Variants in APOBEC2 observed in about 807,000 individuals in gnomAD.
The protein encoded by APOBEC2 is apolipoprotein B mRNA editing enzyme catalytic subunit 2.
APOBEC2 carries 14 observed loss-of-function variants against 19.4 expected under a neutral mutation model. The ratio of observed to expected loss-of-function variants is 0.72; its 90% confidence interval spans 0.48 to 1.13. The LOEUF (loss-of-function observed/expected upper bound fraction) is 1.13, where lower values mean the gene tolerates loss of function less well. APOBEC2 is among the 50% of genes most tolerant of loss of function. The pLI, the probability that APOBEC2 is intolerant of heterozygous loss-of-function variation, is 0.00. For synonymous variants in APOBEC2, 127 were observed against 112.1 expected (o/e 1.13, Z -0.84); for missense variants, 304 against 277.0 (o/e 1.10, Z -0.69).
At chr6:41,058,427 T>TCA (rs1046492735) in intron 1 of APOBEC2, among the ~76,000 whole-genome samples, 22 of 114,394 alleles carry the variant, frequency 1.9e-4, no homozygotes, top group African/African-American at 6.2e-4. Flanking sequence ...ACACACACAC[T>TCA]CACACACACA....
intron 1 of APOBEC2, 94 bp from the exon 2 acceptor site, chr6:41,061,234 G>C: frequency 2.5e-6 from 2 of 808,944 alleles, no homozygotes; most frequent in South Asian, 5.5e-5. Context: ...ATGCATTTCT[G>C]AAGTACTGAC....
rs75616059 is a variant in APOBEC2 at position 41,055,541 on chromosome 6, G to A, written c.131+2063G>A. Among the ~76,000 whole-genome samples, 588 of 152,280 alleles carry A rather than the reference G, an allele frequency of 3.9e-3. 11 individuals are homozygous for A. In the South Asian group the frequency reaches 0.061, roughly 16 times the overall value. On this transcript the variant is annotated intron_variant, in intron 1 of 2. Coordinates refer to ENST00000244669, the MANE Select transcript of APOBEC2 (RefSeq NM_006789.4). ...AGGACTCCCTCCTGGAGTCAAGGGGGTCAGCAAAGCAGCTTTTCTAGCCTG... is the reference window on the plus strand; with the variant it reads ...AGGACTCCCTCCTGGAGTCAAGGGGATCAGCAAAGCAGCTTTTCTAGCCTG...
chr6:41,063,799 C>CT (rs568383618), intron 2 of APOBEC2, among the ~76,000 whole-genome samples: 9,863 of 136,178 alleles, frequency 0.072, 803 homozygotes, highest in African/African-American at 0.21. Flanking sequence ...TTTCATCTTT[C>CT]TTTTTTTTTT....
chr6:41,058,762 T>C (rs531460357), intron 1 of APOBEC2, among the ~76,000 whole-genome samples: 2 of 152,330 alleles, frequency 1.3e-5, no homozygotes, highest in Admixed American at 6.5e-5. Context: ...TCTGACCTTT[T>C]TGCTCCTTCT....
chr6:41,058,151 CCACACACACACA>C lies in APOBEC2; in HGVS notation c.132-3151_132-3140del, dbSNP rs375076306. Among the ~76,000 whole-genome samples the C allele has an allele frequency of 1.0e-4, 7 of 69,076 alleles. No homozygotes were observed. The East Asian group carries it at 1.7e-3, about 17-fold the overall frequency. 45.3% of individuals were successfully genotyped at this position (69,076 alleles called of 152,430 possible). A position where few individuals can be genotyped will look rare whatever the true frequency, so the allele number is the denominator to read the frequency against. ...CACCACCCACCACCACCACCCCACC[CCACACACACACA>C]CACACACACACACACACACACACAC... On this transcript the variant is annotated intron_variant, in intron 1 of 2. Transcript: ENST00000244669.
chr6:41,061,530 G>A lies in APOBEC2; in HGVS notation c.334G>A (p.Asp112Asn), dbSNP rs748645869. The A allele has an allele frequency of 6.2e-6, 10 of 1,613,992 alleles. No homozygotes were observed. The highest frequency in any genetic ancestry group is 2.7e-5 in the African/African-American group (2 of 74,924). ...CTTCAACACCATCCTGCCAGCCTTCGACCCAGCCCTGCGGTACAATGTCAC... is the reference window on the plus strand; with the variant it reads ...CTTCAACACCATCCTGCCAGCCTTCAACCCAGCCCTGCGGTACAATGTCAC... ...AFFNTILPAF[D>N]PALRYNVTWY... The change falls in exon 2 of 3, where the codon GAC (aspartate) becomes AAC (asparagine). Residue 112 changes from aspartate (D) to asparagine (N), a missense_variant. Transcript: ENST00000244669.
At chr6:41,056,028 A>G (rs1242348672) in intron 1 of APOBEC2, among the ~76,000 whole-genome samples, 1 of 152,222 alleles carries the variant, frequency 6.6e-6, no homozygotes, top group Admixed American at 6.5e-5. Context: ...GCAGTGGGAA[A>G]GGGATCAGGT....
intron 2 of APOBEC2, among the ~76,000 whole-genome samples, chr6:41,062,509 T>C (rs1167102762): frequency 3.9e-5 from 6 of 152,238 alleles, no homozygotes; most frequent in African/African-American, 1.4e-4. Flanking sequence ...GAAAATACAA[T>C]ACGGGAACAT....
chr6:41,057,805 C>A (rs895992215), intron 1 of APOBEC2, among the ~76,000 whole-genome samples: 1 of 152,144 alleles, frequency 6.6e-6, no homozygotes. Flanking sequence ...AAAATTCAAA[C>A]GTTTTGAATG....
At chr6:41,063,520 G>A (rs1762906043) in intron 2 of APOBEC2, among the ~76,000 whole-genome samples, 2 of 131,722 alleles carry the variant, frequency 1.5e-5, no homozygotes, top group Non-Finnish European at 3.2e-5. Context: ...TGCCTAACTA[G>A]CAAGTCCTTA....
At chr6:41,053,590 C>T in intron 1 of APOBEC2, 112 bp downstream of exon 1, 2 of 1,492,286 alleles carry the variant, frequency 1.3e-6, no homozygotes, top group Non-Finnish European at 1.8e-6. Context: ...TACAACCCTG[C>T]AGCAGTGAGA....
Position 41,061,579 on chromosome 6 carries a change from G to C in APOBEC2, c.383G>C (p.Cys128Ser). The C allele has an allele frequency of 1.2e-6, 2 of 1,614,228 alleles. No homozygotes were observed. Among genetic ancestry groups the C allele is most frequent in the Non-Finnish European group, 1.7e-6 (2 of 1,180,042 alleles). ...ACCTGGTATGTGTCCTCCAGCCCCT[G>C]TGCAGCGTGTGCTGACCGCATTATC... ...NVTWYVSSSP[C>S]AACADRIIKT... Residue 128 changes from cysteine to serine, a missense_variant, in exon 2 of 3, where the codon TGT (cysteine) becomes TCT (serine). Transcript: ENST00000244669.
At chr6:41,060,347 C>T (rs1762855659) in intron 1 of APOBEC2, among the ~76,000 whole-genome samples, 2 of 152,242 alleles carry the variant, frequency 1.3e-5, no homozygotes, top group Admixed American at 1.3e-4. Flanking sequence ...GCATGGACAT[C>T]ATTTTTATTG....
rs754885985 is a variant in APOBEC2, at chr6:41,061,467, G to A, written c.271G>A (p.Glu91Lys). Residue 91 changes from glutamate to lysine, a missense_variant, in exon 2 of 3, where the codon GAG becomes AAG. Physicochemically the swap from Glu to Lys is moderately conservative, Grantham distance 56. Coordinates refer to ENST00000244669, the MANE Select transcript of APOBEC2 (RefSeq NM_006789.4). ...AGTGCAGGCATCTCGGGGATACCTA[G>A]AGGATGAGCATGCGGCTGCCCATGC... Reference protein sequence around the residue: ...GQVQASRGYLEDEHAAAHAEE... With the variant: ...GQVQASRGYLKDEHAAAHAEE... The A allele has an allele frequency of 7.4e-6, 12 of 1,613,924 alleles. No individual in the cohort carries two copies. The highest frequency in any genetic ancestry group is 1.0e-5 in the Non-Finnish European group (12 of 1,179,886).
chr6:41,055,946 T>C (rs1054046320), intron 1 of APOBEC2, among the ~76,000 whole-genome samples: 21 of 152,322 alleles, frequency 1.4e-4, no homozygotes, highest in African/African-American at 5.1e-4. Context: ...TTCTTCCTTC[T>C]ATCAGAGAGA....
chr6:41,061,099 C>T (rs911327384), intron 1 of APOBEC2, among the ~76,000 whole-genome samples: 1 of 151,170 alleles, frequency 6.6e-6, no homozygotes, highest in African/African-American at 2.4e-5. Flanking sequence ...GACCAAAATG[C>T]ACACCTCAGT....
chr6:41,063,402 A>G (rs1243202341), intron 2 of APOBEC2, among the ~76,000 whole-genome samples: 1 of 152,224 alleles, frequency 6.6e-6, no homozygotes, highest in African/African-American at 2.4e-5. Flanking sequence ...TGTATGTACT[A>G]TCACTGTAAT....
At position 41,064,448 on chromosome 6, in the gene APOBEC2, T is replaced by C. The variant is rs1365833925; in HGVS notation, c.*369T>C. The C allele has an allele frequency of 1.3e-5, 2 of 152,204 alleles. No individual in the cohort carries two copies. The allele number at this position is 152,204 out of a possible 1,614,324, so 9.4% of individuals were successfully genotyped here. A position where few individuals can be genotyped will look rare whatever the true frequency, so the allele number is the denominator to read the frequency against. On this transcript the variant is annotated 3_prime_UTR_variant, in exon 3 of 3. Transcript: ENST00000244669. ...GTTTAGATTTCTGAAATATGCATTT[T>C]ATGTTAAGTTGGGTATTTTTTTAAA...
chr6:41,060,212 C>A (rs1316888495), intron 1 of APOBEC2, among the ~76,000 whole-genome samples: 2 of 152,142 alleles, frequency 1.3e-5, no homozygotes, highest in Non-Finnish European at 2.9e-5. Context: ...CCATCCATCT[C>A]CTCCTCAAAG....
Sources: allele counts gnomAD v4.1 joint callset (sites outside exome capture counted in the v4.1 genomes callset), GRCh38; gene constraint gnomAD v4.1.1; transcripts MANE v1.5; gene names NCBI Gene and HGNC (gene_info 2026-07-23, HGNC 2026-07-21).